IHO1: variants seen among roughly 807,000 people sequenced by gnomAD.
IHO1 encodes interactor of HORMAD1 protein 1.
Under a neutral mutation model 31.0 loss-of-function variants are expected in IHO1, and 13 were observed. The observed-to-expected ratio is 0.42, with a 90% CI of 0.27 to 0.67. The LOEUF is 0.67. IHO1 is among the 30% of genes least tolerant of loss of function. IHO1 has a pLI of 0.24. For synonymous variants in IHO1, 221 were observed against 248.4 expected (o/e 0.89, Z 1.04); for missense variants, 599 against 687.5 (o/e 0.87, Z 1.44).
chr3:49,250,206 T>C (rs768717037), intron 6 of IHO1, among the ~76,000 whole-genome samples: 25 of 152,292 alleles, frequency 1.6e-4, no homozygotes, highest in Middle Eastern at 3.4e-3. Flanking sequence ...TAATGTTAAA[T>C]CCAGGAAGAG....
Position 49,200,475 on chromosome 3 carries a change from A to AAGAG in IHO1, c.-16+903_-16+904insGAGA, listed in dbSNP as rs1553615440. On this transcript the variant is annotated intron_variant, in intron 1 of 7. Coordinates refer to ENST00000452691, the MANE Select transcript of IHO1 (RefSeq NM_001135197.2). ...GTGAGACTCGGTCTCAAAAAAAAAA[A>AAGAG]AAAGAAAGAAAGAAAGAAAGAAAGA... is the stretch of plus-strand genomic sequence containing the variant. 1.9e-5 allele frequency: 2 copies of AAGAG among 103,858 alleles called. 1 individual carries two copies. Among genetic ancestry groups the AAGAG allele is most frequent in the South Asian group, 1.2e-3 (2 of 1,626 alleles). 6.4% of individuals were successfully genotyped at this position (103,858 alleles called of 1,614,324 possible). A position where few individuals can be genotyped will look rare whatever the true frequency, so the allele number is the denominator to read the frequency against.
intron 2 of IHO1, among the ~76,000 whole-genome samples, chr3:49,230,968 A>C (rs2046474744): frequency 6.6e-6 from 1 of 152,226 alleles, no homozygotes; most frequent in African/African-American, 2.4e-5. Context: ...TTGAAAAGCA[A>C]GTCCATAAGG....
At chr3:49,254,948 C>T (rs1351823885) in intron 6 of IHO1, among the ~76,000 whole-genome samples, 3 of 151,938 alleles carry the variant, frequency 2.0e-5, no homozygotes, top group Non-Finnish European at 2.9e-5. Flanking sequence ...CATGTAATCC[C>T]AGCTACTTAG....
At chr3:49,211,701 A>G in intron 1 of IHO1, 65 bp from the exon 2 acceptor site, 1 of 699,940 alleles carries the variant, frequency 1.4e-6, no homozygotes, top group Non-Finnish European at 2.5e-6. Context: ...TATAATAGTC[A>G]CTAGTAATCT....
chr3:49,249,815 A>C (rs1273128618), intron 6 of IHO1, among the ~76,000 whole-genome samples: 1 of 152,198 alleles, frequency 6.6e-6, no homozygotes, highest in Non-Finnish European at 1.5e-5. Context: ...CATCTTATAC[A>C]AGGAGGCTGC....
chr3:49,236,423 G>C (rs1205777262), intron 2 of IHO1, 125 bp from the exon 3 acceptor site: 1 of 642,448 alleles, frequency 1.6e-6, no homozygotes, highest in Non-Finnish European at 2.7e-6. Flanking sequence ...AATATACAGG[G>C]GACTTGAAGG....
At chr3:49,208,843 T>C (rs1436207792) in intron 1 of IHO1, among the ~76,000 whole-genome samples, 1 of 152,202 alleles carries the variant, frequency 6.6e-6, no homozygotes, top group Non-Finnish European at 1.5e-5. Flanking sequence ...TACATGGGGC[T>C]TGATCCACTC....
chr3:49,245,432 C>T (rs187652687), intron 6 of IHO1: 2,776 of 152,308 alleles, frequency 0.018, 38 homozygotes, highest in Non-Finnish European at 0.032. Context: ...GTGATCTGCC[C>T]GCCTCAGCCT....
intron 2 of IHO1, among the ~76,000 whole-genome samples, chr3:49,224,704 C>T (rs1219716954): frequency 6.6e-6 from 1 of 152,192 alleles, no homozygotes; most frequent in African/African-American, 2.4e-5. Context: ...AATGAACTTC[C>T]ATCGGTATAT....
intron 6 of IHO1, chr3:49,244,937 C>A: frequency 1.6e-6 from 1 of 625,834 alleles, no homozygotes; most frequent in Non-Finnish European, 2.9e-6. Flanking sequence ...TGCTCTGGTC[C>A]CATGATGCCT....
chr3:49,235,601 A>C (rs1310931579), intron 2 of IHO1, among the ~76,000 whole-genome samples: 1 of 152,024 alleles, frequency 6.6e-6, no homozygotes, highest in Admixed American at 6.5e-5. Flanking sequence ...TTATTTATCT[A>C]TTTTAATGAT....
intron 2 of IHO1, chr3:49,228,374 G>A: frequency 2.2e-6 from 1 of 446,042 alleles, no homozygotes; most frequent in South Asian, 1.6e-5. Context: ...TAGAAAGCCT[G>A]ACAGCCATGT....
chr3:49,223,267 T>G (rs2046376249), intron 2 of IHO1, among the ~76,000 whole-genome samples: 1 of 152,176 alleles, frequency 6.6e-6, no homozygotes, highest in Admixed American at 6.5e-5. Context: ...CTTGTGTTAG[T>G]TTCCTTAAGT....
chr3:49,202,323 ATTT>A (rs66767086), intron 1 of IHO1, among the ~76,000 whole-genome samples: 22 of 132,482 alleles, frequency 1.7e-4, no homozygotes, highest in Non-Finnish European at 1.8e-4. Context: ...CTTCTTTTTA[ATTT>A]TTTTTTTTTT....
chr3:49,201,787 G>A (rs566539094), intron 1 of IHO1, among the ~76,000 whole-genome samples: 4 of 152,060 alleles, frequency 2.6e-5, no homozygotes, highest in East Asian at 1.9e-4. Flanking sequence ...GTATGATGGC[G>A]TGCACCTGTG....
the IHO1 span, chr3:49,191,982 C>T: frequency 1.7e-6 from 1 of 601,076 alleles, no homozygotes; most frequent in Admixed American, 2.9e-5. Flanking sequence ...GAAAAACCTG[C>T]CCCTTGGCAT....
intron 6 of IHO1, among the ~76,000 whole-genome samples, chr3:49,253,237 C>T (rs1442234980): frequency 6.6e-6 from 1 of 151,856 alleles, no homozygotes; most frequent in African/African-American, 2.4e-5. Flanking sequence ...ACCAGCCTGG[C>T]CAACATGGCA....
chr3:49,243,757 CAAAAAAAAAAAAA>C (rs1158612762), intron 4 of IHO1, among the ~76,000 whole-genome samples: 12 of 44,586 alleles, frequency 2.7e-4, no homozygotes, highest in Non-Finnish European at 5.1e-4. Context: ...GACTCTGTCT[CAAAAAAAAAAAAA>C]AAAAAAAAGA....
chr3:49,193,905 T>C (rs1431089395), upstream of IHO1, among the ~76,000 whole-genome samples: 1 of 148,332 alleles, frequency 6.7e-6, no homozygotes, highest in Non-Finnish European at 1.5e-5. Context: ...GAGGTTGCAG[T>C]GAGCCGAGAT....
Sources: allele counts gnomAD v4.1 joint callset (sites outside exome capture counted in the v4.1 genomes callset), GRCh38; gene constraint gnomAD v4.1.1; transcripts MANE v1.5; gene names NCBI Gene and HGNC (gene_info 2026-07-23, HGNC 2026-07-21).